CNTNAP2: variants seen among roughly 807,000 people sequenced by gnomAD.
CNTNAP2 encodes the protein contactin-associated protein-like 2.
CNTNAP2 carries 98 observed loss-of-function variants against 155.2 expected under a neutral mutation model. That is an observed-to-expected ratio of 0.63 (90% CI 0.54 to 0.75). The LOEUF (loss-of-function observed/expected upper bound fraction) is 0.75, where lower values mean the gene tolerates loss of function less well. Among genes scored for constraint, CNTNAP2 ranks in the 30% least tolerant of loss-of-function variants. The pLI is 0.00. For synonymous variants in CNTNAP2, 651 were observed against 631.2 expected, an observed-to-expected ratio of 1.03 and a Z score of -0.47; for missense variants, 1,727 against 1,688.1, an observed-to-expected ratio of 1.02 and a Z score of -0.40.
chr7:147,220,109 G>T (rs977641738), intron 8 of CNTNAP2, among the ~76,000 whole-genome samples: 49 of 151,908 alleles, frequency 3.2e-4, no homozygotes, highest in South Asian at 1.2e-3. Context: ...CTTCTTAAAG[G>T]TCCTGCCTCT....
intron 1 of CNTNAP2, among the ~76,000 whole-genome samples, chr7:146,158,570 C>G (rs924868438): frequency 3.3e-5 from 5 of 152,066 alleles, no homozygotes; most frequent in Non-Finnish European, 1.5e-5. Context: ...AGCTGAAAAC[C>G]ACGGCATGAG....
chr7:147,984,396 C>G (rs781626273), intron 15 of CNTNAP2, among the ~76,000 whole-genome samples: 8 of 152,142 alleles, frequency 5.3e-5, no homozygotes, highest in Non-Finnish European at 1.0e-4. Context: ...TTCACAGTAC[C>G]TTTGACTCCA....
chr7:146,774,811 C>A (rs935192527), intron 2 of CNTNAP2, among the ~76,000 whole-genome samples: 3 of 151,962 alleles, frequency 2.0e-5, no homozygotes, highest in Non-Finnish European at 4.4e-5. Flanking sequence ...TGCAAATGCC[C>A]CTTGTAATTT....
At chr7:146,892,838 A>G (rs975490352) in intron 3 of CNTNAP2, among the ~76,000 whole-genome samples, 4 of 152,340 alleles carry the variant, frequency 2.6e-5, no homozygotes, top group Middle Eastern at 3.4e-3. Flanking sequence ...AAATGATTCA[A>G]TGTTACTCAA....
At chr7:146,892,134 G>A (rs1285406062) in intron 3 of CNTNAP2, among the ~76,000 whole-genome samples, 2 of 152,180 alleles carry the variant, frequency 1.3e-5, no homozygotes, top group East Asian at 1.9e-4. Context: ...AAATGGCTCA[G>A]CTTAGATTGA....
At chr7:148,046,030 C>T (rs546897655) in intron 15 of CNTNAP2, among the ~76,000 whole-genome samples, 40 of 152,224 alleles carry the variant, frequency 2.6e-4, no homozygotes, top group African/African-American at 9.2e-4. Context: ...CTGGGCAAGA[C>T]CTTTTTCTCC....
intron 22 of CNTNAP2, among the ~76,000 whole-genome samples, chr7:148,392,004 G>A (rs1036710226): frequency 5.9e-5 from 9 of 152,184 alleles, no homozygotes; most frequent in Admixed American, 4.6e-4. Flanking sequence ...CATTAAAATA[G>A]ATGAAGCATT....
chr7:146,334,037 C>T (rs536961811), intron 1 of CNTNAP2, among the ~76,000 whole-genome samples: 1 of 152,186 alleles, frequency 6.6e-6, no homozygotes, highest in Non-Finnish European at 1.5e-5. Flanking sequence ...CAGTCTCCAC[C>T]ATAGCAGAAG....
chr7:146,943,926 A>C (rs187051561), intron 3 of CNTNAP2, among the ~76,000 whole-genome samples: 153 of 152,366 alleles, frequency 1.0e-3, no homozygotes, highest in Non-Finnish European at 1.9e-3. Context: ...CCGCAATAGC[A>C]GTAACTATAA....
intron 9 of CNTNAP2, among the ~76,000 whole-genome samples, chr7:147,330,188 C>T (rs1795532357): frequency 6.6e-6 from 1 of 152,052 alleles, no homozygotes; most frequent in African/African-American, 2.4e-5. Flanking sequence ...GGAGATTAGG[C>T]TCTATGAAAA....
rs372486323 is a variant in CNTNAP2 at position 147,680,019 on chromosome 7, C to T, written c.2098+40713C>T. ...TTACAGATTCCAAATTTCATCCATT[C>T]CTTCTTGCCTTAAACTGTGATCTGT... On this transcript the variant is annotated intron_variant, in intron 13 of 23. Coordinates refer to ENST00000361727, the MANE Select transcript of CNTNAP2 (RefSeq NM_014141.6). Among the ~76,000 whole-genome samples the T allele has an allele frequency of 1.1e-4, 16 of 151,670 alleles. No individual in the cohort carries two copies. In the East Asian group the frequency reaches 1.8e-3, roughly 17 times the overall value.
intron 21 of CNTNAP2, among the ~76,000 whole-genome samples, chr7:148,314,133 G>GATGATAAAAGGATTGT: frequency 6.6e-6 from 1 of 152,194 alleles, no homozygotes; most frequent in African/African-American, 2.4e-5. Flanking sequence ...AAGGAGGGGA[G>GATGATAAAAGGATTGT]AGGTCAGATG....
intron 8 of CNTNAP2, among the ~76,000 whole-genome samples, chr7:147,252,211 G>T (rs1195477850): frequency 6.6e-6 from 1 of 152,188 alleles, no homozygotes; most frequent in African/African-American, 2.4e-5. Context: ...GAATTGTCTG[G>T]TTAAAGATTA....
At chr7:147,855,807 A>G (rs1799025710) in intron 13 of CNTNAP2, among the ~76,000 whole-genome samples, 1 of 152,180 alleles carries the variant, frequency 6.6e-6, no homozygotes, top group Non-Finnish European at 1.5e-5. Context: ...CAGCCCTGCA[A>G]AAAACTTATA....
At chr7:146,823,521 C>T (rs1803337265) in intron 2 of CNTNAP2, among the ~76,000 whole-genome samples, 1 of 139,222 alleles carries the variant, frequency 7.2e-6, no homozygotes, top group Admixed American at 7.0e-5. Context: ...ACTCATTCTT[C>T]AGTATATTTA....
In CNTNAP2 at chr7:148,413,402, ATATATATATATATAT is replaced by A. The variant is rs370174278; in HGVS notation, c.3797-2014_3797-2000del. ...AGTGAAACTCCGTCTCAAAAAAAAA[ATATATATATATATAT>A]ATATATATATATATATATATATATA... On this transcript the variant is annotated intron_variant, in intron 23 of 23. Transcript: ENST00000361727. Among the ~76,000 whole-genome samples, 19 of 39,484 alleles carry A rather than the reference ATATATATATATATAT, an allele frequency of 4.8e-4. 5 individuals are homozygous for A. The highest frequency in any genetic ancestry group is 1.2e-3 in the African/African-American group (13 of 10,478). 25.9% of individuals were successfully genotyped at this position (39,484 alleles called of 152,430 possible).
At chr7:147,637,025 T>C (rs952454856) in intron 12 of CNTNAP2, among the ~76,000 whole-genome samples, 1 of 152,076 alleles carries the variant, frequency 6.6e-6, no homozygotes, top group African/African-American at 2.4e-5. Context: ...AAGGTCCATA[T>C]GGCTGGTGCC....
At chr7:146,266,779 A>T (rs779572969) in intron 1 of CNTNAP2, among the ~76,000 whole-genome samples, 1 of 152,118 alleles carries the variant, frequency 6.6e-6, no homozygotes, top group Non-Finnish European at 1.5e-5. Flanking sequence ...CACATGTGAC[A>T]AGAAAGATGT....
intron 1 of CNTNAP2, among the ~76,000 whole-genome samples, chr7:146,133,256 A>G (rs201501107): frequency 3.3e-5 from 5 of 151,284 alleles, no homozygotes; most frequent in Admixed American, 1.3e-4. Context: ...TTTTTGATGG[A>G]GTTGTTTGTT....
Sources: gnomAD v4.1 joint callset for allele counts (sites outside exome capture counted in the v4.1 genomes callset) on GRCh38, gnomAD v4.1.1 for gene constraint, MANE v1.5 for transcripts, NCBI Gene and HGNC (gene_info 2026-07-23, HGNC 2026-07-21) for gene names.